The following LIMK2 variants were observed in gnomAD, a reference collection of about 807,000 sequenced individuals.
The protein encoded by LIMK2 is LIM domain kinase 2.
Under a neutral mutation model 75.7 loss-of-function variants are expected in LIMK2, and 35 were observed. The ratio of observed to expected loss-of-function variants is 0.46; its 90% CI spans 0.35 to 0.61. The LOEUF (loss-of-function observed/expected upper bound fraction) is 0.61, where lower values mean the gene tolerates loss of function less well. Among genes scored for constraint, LIMK2 ranks in the 20% least tolerant of loss-of-function variants. The pLI, the probability that LIMK2 is intolerant of heterozygous loss-of-function variation, is 0.00. For missense variants in LIMK2, 623 were observed against 831.0 expected, an observed-to-expected ratio of 0.75 and a Z score of 3.08; for synonymous variants, 301 against 319.2, an observed-to-expected ratio of 0.94 and a Z score of 0.61.
chr22:31,232,534 A>G (rs1391854192), intron 2 of LIMK2, among the ~76,000 whole-genome samples: 1 of 152,216 alleles, frequency 6.6e-6, no homozygotes, highest in East Asian at 1.9e-4. Context: ...CATTTGCTAT[A>G]TATAAAAGTC....
Position 31,279,040 on chromosome 22 carries a change from G to C in LIMK2, c.*599G>C, listed in dbSNP as rs946777028. On this transcript the variant is annotated 3_prime_UTR_variant, in exon 16 of 16. Coordinates refer to ENST00000331728, the MANE Select transcript of LIMK2 (RefSeq NM_005569.4). The stretch of plus-strand genomic sequence containing the variant: ...TGGAACAGGCCAGGAGTTAGAGAAA[G>C]GGCTGGCTTCTGTTTACCTGCTCAC... The C allele has an allele frequency of 1.1e-4, 16 of 152,258 alleles. No homozygotes were observed. Among genetic ancestry groups the C allele is most frequent in the African/African-American group, 3.9e-4 (16 of 41,466 alleles). The allele number at this position is 152,258 out of a possible 1,614,324, so 9.4% of individuals were successfully genotyped here. A position where few individuals can be genotyped will look rare whatever the true frequency, so the allele number is the denominator to read the frequency against.
chr22:31,268,418 CAGGG>C (rs2048919045), intron 11 of LIMK2, among the ~76,000 whole-genome samples: 1 of 127,744 alleles, frequency 7.8e-6, no homozygotes, highest in African/African-American at 2.8e-5. Context: ...TAAAGGCAAA[CAGGG>C]CACGGACAAG....
intron 2 of LIMK2, among the ~76,000 whole-genome samples, chr22:31,256,352 G>T (rs11089493): frequency 0.29 from 43,189 of 149,052 alleles, 8,754 homozygotes; most frequent in African/African-American, 0.57. Context: ...TAGCTATAAT[G>T]TTTTTTGAGA....
chr22:31,238,114 CAAA>C (rs34428618), intron 2 of LIMK2, among the ~76,000 whole-genome samples: 1 of 80,554 alleles, frequency 1.2e-5, no homozygotes, highest in Admixed American at 1.3e-4. Context: ...GACACTGTCT[CAAA>C]AAAAAAAAAA....
chr22:31,229,285 C>T (rs758780637), intron 2 of LIMK2, among the ~76,000 whole-genome samples: 3 of 152,152 alleles, frequency 2.0e-5, no homozygotes, highest in Non-Finnish European at 2.9e-5. Context: ...GATGTCACGG[C>T]GCCCTCAGAT....
intron 2 of LIMK2, among the ~76,000 whole-genome samples, chr22:31,228,758 T>A (rs915664815): frequency 6.6e-6 from 1 of 152,014 alleles, no homozygotes; most frequent in African/African-American, 2.4e-5. Flanking sequence ...CTGGCCAACA[T>A]GGCAAAACTC....
intron 15 of LIMK2, among the ~76,000 whole-genome samples, chr22:31,278,068 T>C (rs2049050189): frequency 6.6e-6 from 1 of 152,122 alleles, no homozygotes; most frequent in Admixed American, 6.5e-5. Context: ...CCTATTGTTT[T>C]TAAGTATTAA....
In LIMK2 at chr22:31,269,826, G is replaced by A. The variant is rs144684217; in HGVS notation, c.1318-1310G>A. ...TGGTTAGTACATTGGGGTGGAATGC[G>A]GAGGGTCCAGGGAATGGAGCCCTGC... On this transcript the variant is annotated intron_variant, in intron 11 of 15. Transcript: ENST00000331728. Among the ~76,000 whole-genome samples, 197 of 152,084 alleles carry A rather than the reference G, an allele frequency of 1.3e-3. 1 individual carries two copies. Among genetic ancestry groups the A allele is most frequent in the African/African-American group, 3.8e-3 (158 of 41,498 alleles).
intron 2 of LIMK2, among the ~76,000 whole-genome samples, chr22:31,247,971 G>A (rs2048686096): frequency 6.6e-6 from 1 of 152,016 alleles, no homozygotes; most frequent in South Asian, 2.1e-4. Flanking sequence ...TCAGAGCTAG[G>A]ATGGCTCTCT....
At chr22:31,224,652 A>T (rs1383193688) in intron 1 of LIMK2, among the ~76,000 whole-genome samples, 1 of 152,254 alleles carries the variant, frequency 6.6e-6, no homozygotes, top group Non-Finnish European at 1.5e-5. Flanking sequence ...CATTCATTAA[A>T]TATTTGTTCT....
intron 2 of LIMK2, among the ~76,000 whole-genome samples, chr22:31,254,278 G>A: frequency 6.6e-6 from 1 of 152,220 alleles, no homozygotes; most frequent in Non-Finnish European, 1.5e-5. Flanking sequence ...GCCCTGCGGC[G>A]CACATACCAT....
chr22:31,229,958 T>A (rs1425992146), intron 2 of LIMK2: 2 of 152,136 alleles, frequency 1.3e-5, no homozygotes, highest in Non-Finnish European at 2.9e-5. Context: ...ATCTTTTGGA[T>A]CTCCTGGACA....
intron 7 of LIMK2, among the ~76,000 whole-genome samples, chr22:31,263,841 C>G (rs737684): frequency 0.79 from 120,165 of 152,108 alleles, 48,439 homozygotes; most frequent in African/African-American, 0.95. Context: ...GAATAAAAAA[C>G]TTAACTGGGC....
chr22:31,273,615 A>G, intron 14 of LIMK2, 108 bp downstream of exon 14: 1 of 836,998 alleles, frequency 1.2e-6, no homozygotes, highest in East Asian at 2.5e-5. Context: ...ACTAAAATCA[A>G]CATGGGTGTA....
In LIMK2 at chr22:31,268,131, C is replaced by T; in HGVS notation, c.1261-13C>T. On this transcript the variant is annotated splice_polypyrimidine_tract_variant and intron_variant, in intron 10 of 15. Coordinates refer to ENST00000331728, the MANE Select transcript of LIMK2 (RefSeq NM_005569.4). ...GGCTCAACAGCCTCTGAAAATCATT[C>T]CCCATTCTGCAGGATCCGTTCCCCT... is the stretch of plus-strand genomic sequence containing the variant. 1 of 1,613,604 alleles carries T rather than the reference C, an allele frequency of 6.2e-7. No homozygotes were observed. The highest frequency in any genetic ancestry group is 1.3e-5 in the African/African-American group (1 of 75,042).
At chr22:31,248,643 G>A in intron 2 of LIMK2, 3 of 1,613,646 alleles carry the variant, frequency 1.9e-6, no homozygotes, top group Non-Finnish European at 2.5e-6. Flanking sequence ...CTGTCATGGT[G>A]GCCATCTACA....
At chr22:31,276,778 T>A in intron 15 of LIMK2, 1 of 1,604,760 alleles carries the variant, frequency 6.2e-7, no homozygotes, top group South Asian at 1.1e-5. Flanking sequence ...GGACCACGCA[T>A]CTACTTTCAG....
At chr22:31,248,994 T>C (rs1315786919) in intron 2 of LIMK2, among the ~76,000 whole-genome samples, 1 of 152,198 alleles carries the variant, frequency 6.6e-6, no homozygotes, top group African/African-American at 2.4e-5. Context: ...CTTAGGGAGC[T>C]CCAGCTCCCC....
intron 2 of LIMK2, among the ~76,000 whole-genome samples, chr22:31,245,022 A>T (rs2048655760): frequency 6.6e-6 from 1 of 152,236 alleles, no homozygotes; most frequent in Admixed American, 6.5e-5. Flanking sequence ...GCACTGTGGA[A>T]TAGTGGGGGT....
Sources: allele counts gnomAD v4.1 joint callset (sites outside exome capture counted in the v4.1 genomes callset), GRCh38; gene constraint gnomAD v4.1.1; transcripts MANE v1.5; gene names NCBI Gene and HGNC (gene_info 2026-07-23, HGNC 2026-07-21).